Variants in PRUNE2 observed in about 807,000 individuals in gnomAD.
PRUNE2 encodes the protein protein prune homolog 2.
Under a neutral mutation model 252.0 loss-of-function variants are expected in PRUNE2, and 164 were observed. The observed-to-expected ratio is 0.65, with a 90% CI of 0.57 to 0.74. PRUNE2 has a LOEUF of 0.74. Ranked by LOEUF, PRUNE2 falls within the 30% of genes least tolerant of loss-of-function variation. PRUNE2 has a pLI of 0.00. For missense variants in PRUNE2, 3,495 were observed against 3,711.0 expected (o/e 0.94, Z 1.51); for synonymous variants, 1,292 against 1,350.2 (o/e 0.96, Z 0.94).
intron 6 of PRUNE2, among the ~76,000 whole-genome samples, chr9:76,790,121 T>A (rs1228544111): frequency 6.6e-6 from 1 of 152,186 alleles, no homozygotes; most frequent in Non-Finnish European, 1.5e-5. Context: ...TTTTTCTCCA[T>A]GAAGCTTCCT....
At chr9:76,802,286 G>T (rs1370492830) in intron 6 of PRUNE2, among the ~76,000 whole-genome samples, 1 of 151,986 alleles carries the variant, frequency 6.6e-6, no homozygotes, top group Non-Finnish European at 1.5e-5. Flanking sequence ...ATCCCTAATG[G>T]CCTCTCCTTA....
chr9:76,687,688 C>A, intron 9 of PRUNE2: 1 of 374,402 alleles, frequency 2.7e-6, no homozygotes, highest in Non-Finnish European at 5.5e-6. Context: ...GTCCTAGAGC[C>A]ATATGGAAAG....
At chr9:76,756,646 A>G (rs1041333775) in intron 6 of PRUNE2, among the ~76,000 whole-genome samples, 1 of 152,236 alleles carries the variant, frequency 6.6e-6, no homozygotes, top group African/African-American at 2.4e-5. Context: ...TCCCAGGAGG[A>G]TTCCCTGAGT....
intron 9 of PRUNE2, among the ~76,000 whole-genome samples, chr9:76,699,537 G>C (rs568125850): frequency 2.6e-5 from 4 of 152,302 alleles, no homozygotes; most frequent in African/African-American, 9.6e-5. Context: ...CCTGAAGACT[G>C]CAGCCCAGAA....
In PRUNE2 at chr9:76,846,632, C is replaced by T. The variant is rs1195372070; in HGVS notation, c.391G>A (p.Val131Ile). ...TCAACGTTGGCATCGCTCTGCTCAA[C>T]CGGATTAATGACTTTGACAACTGCT... ...ESAVVKVINP[V>I]EQSDANVEFR... Residue 131 changes from valine to isoleucine, a missense_variant, in exon 4 of 19, where the codon GTT (valine) becomes ATT (isoleucine). Coordinates refer to ENST00000376718, the MANE Select transcript of PRUNE2 (RefSeq NM_015225.3). 1.2e-6 allele frequency: 2 copies of T among 1,614,058 alleles called. No homozygotes were observed. Among genetic ancestry groups the T allele is most frequent in the Non-Finnish European group, 8.5e-7 (1 of 1,179,936 alleles).
chr9:76,754,053 G>C (rs962733712), intron 6 of PRUNE2, among the ~76,000 whole-genome samples: 36 of 152,070 alleles, frequency 2.4e-4, no homozygotes, highest in African/African-American at 8.7e-4. Flanking sequence ...CAAAAGATGA[G>C]ACTGAGACTG....
intron 9 of PRUNE2, among the ~76,000 whole-genome samples, chr9:76,689,246 T>G (rs769273506): frequency 1.3e-5 from 2 of 152,106 alleles, no homozygotes; most frequent in Non-Finnish European, 2.9e-5. Context: ...TTTCCCCAAA[T>G]GCATATGAGT....
In PRUNE2 at chr9:76,644,808, T is replaced by A. The variant is rs564059702; in HGVS notation, c.8659A>T (p.Ile2887Phe). The change falls in exon 12 of 19, where the codon ATT becomes TTT. Residue 2887 changes from isoleucine (I) to phenylalanine (F), a missense_variant. Coordinates refer to ENST00000376718, the MANE Select transcript of PRUNE2 (RefSeq NM_015225.3). ...EDNRLWRTVV[I>F]GEQEQRIDMK... ...TCAATGCGCTGCTCTTGTTCTCCAA[T>A]GACCACTGTCCTCCAAAGCCGGTTG... is the stretch of plus-strand genomic sequence containing the variant. 6.8e-6 allele frequency: 11 copies of A among 1,613,962 alleles called. No individual in the cohort carries two copies. The South Asian group carries it at 1.1e-4, about 16-fold the overall frequency.
intron 6 of PRUNE2, chr9:76,786,681 A>G (rs1359488628): frequency 6.6e-6 from 1 of 152,206 alleles, no homozygotes; most frequent in Non-Finnish European, 1.5e-5. Flanking sequence ...ACTAACCTGA[A>G]TGCCTAGACC....
At chr9:76,684,264 G>A (rs1054251375) in intron 9 of PRUNE2, among the ~76,000 whole-genome samples, 3 of 151,976 alleles carry the variant, frequency 2.0e-5, no homozygotes, top group African/African-American at 7.3e-5. Context: ...CCAGTCTCTG[G>A]CAACCACCAT....
intron 6 of PRUNE2, among the ~76,000 whole-genome samples, chr9:76,810,521 T>A (rs1171247934): frequency 6.6e-6 from 1 of 152,210 alleles, no homozygotes; most frequent in African/African-American, 2.4e-5. Flanking sequence ...GCATCTTACC[T>A]GTTTTCCTGT....
In PRUNE2 at chr9:76,704,995, C is replaced by T. The variant is rs2046209384; in HGVS notation, c.7279G>A (p.Ala2427Thr). The T allele has an allele frequency of 1.9e-6, 3 of 1,613,846 alleles. No homozygotes were observed. In the East Asian group the frequency reaches 6.7e-5, roughly 36 times the overall value. ...GGAAGTGCAGAAAGCACTATCTCTG[C>T]TGCTCTGCATCCCAGAGATTCATCC... ...PEDESLGCRA[A>T]EIVLSALPDR... Residue 2427 changes from alanine (A) to threonine (T), a missense_variant, in exon 8 of 19, where the codon GCA (alanine) becomes ACA (threonine). Ala to Thr is a moderately conservative substitution (Grantham distance 58, BLOSUM62 0). Coordinates refer to ENST00000376718, the MANE Select transcript of PRUNE2 (RefSeq NM_015225.3).
chr9:76,844,264 G>T (rs980075475), intron 4 of PRUNE2, among the ~76,000 whole-genome samples: 3 of 152,098 alleles, frequency 2.0e-5, no homozygotes, highest in African/African-American at 7.2e-5. Flanking sequence ...TTGAGTCAGG[G>T]GGGCCAATCC....
intron 9 of PRUNE2, among the ~76,000 whole-genome samples, chr9:76,656,239 T>C (rs2082536333): frequency 6.6e-6 from 1 of 151,792 alleles, no homozygotes. Context: ...TATGTTCTTC[T>C]AAGAAGCTGA....
intron 11 of PRUNE2, among the ~76,000 whole-genome samples, chr9:76,647,919 G>A (rs558581115): frequency 7.0e-4 from 106 of 152,218 alleles, no homozygotes; most frequent in African/African-American, 2.5e-3. Flanking sequence ...CCGAGATTGC[G>A]TCACTGCACT....
intron 6 of PRUNE2, chr9:76,786,288 A>G (rs910131106): frequency 1.2e-4 from 19 of 152,224 alleles, no homozygotes; most frequent in Non-Finnish European, 1.5e-4. Flanking sequence ...GAGAGAATAT[A>G]AGAACTCTGA....
chr9:76,808,260 A>G (rs2057118200), intron 6 of PRUNE2, among the ~76,000 whole-genome samples: 1 of 152,246 alleles, frequency 6.6e-6, no homozygotes, highest in Non-Finnish European at 1.5e-5. Flanking sequence ...AAGGTATGTG[A>G]TGCTTGTGTT....
At chr9:76,791,201 T>TGTACCATATACTGCACCAATTATCATTG (rs1243666407) in intron 6 of PRUNE2, among the ~76,000 whole-genome samples, 8 of 152,132 alleles carry the variant, frequency 5.3e-5, no homozygotes, top group African/African-American at 1.7e-4. Flanking sequence ...TTAATACTAC[T>TGTACCATATACTGCACCAATTATCATTG]GTACCATATA....
chr9:76,866,255 A>G (rs1329478110), intron 1 of PRUNE2, among the ~76,000 whole-genome samples: 4 of 152,240 alleles, frequency 2.6e-5, no homozygotes, highest in African/African-American at 7.2e-5. Context: ...TGCATGATCA[A>G]TGCATGTCTA....
Sources: allele counts gnomAD v4.1 joint callset (sites outside exome capture counted in the v4.1 genomes callset), GRCh38; gene constraint gnomAD v4.1.1; transcripts MANE v1.5; gene names NCBI Gene and HGNC (gene_info 2026-07-23, HGNC 2026-07-21).